NYAP1: variants seen among roughly 807,000 people sequenced by gnomAD.
NYAP1 encodes the protein neuronal tyrosine phosphorylated phosphoinositide-3-kinase adaptor 1, also known as neuronal tyrosine-phosphorylated phosphoinositide-3-kinase adapter 1.
A neutral mutation model predicts 58.6 loss-of-function variants in NYAP1; 20 were observed. That is an observed-to-expected ratio of 0.34 (90% CI 0.24 to 0.50). NYAP1 has a LOEUF of 0.50. Among genes scored for constraint, NYAP1 ranks in the 20% least tolerant of loss-of-function variants. The pLI, the probability that NYAP1 is intolerant of heterozygous loss-of-function variation, is 0.98. For missense variants in NYAP1, 1,150 were observed against 1,194.5 expected (o/e 0.96, Z 0.55); for synonymous variants, 572 against 523.1 (o/e 1.09, Z -1.27).
Position 100,493,933 on chromosome 7 carries a change from A to C in NYAP1, c.*30A>C. The C allele has an allele frequency of 7.1e-7, 1 of 1,408,358 alleles. No individual in the cohort carries two copies. Among genetic ancestry groups the C allele is most frequent in the Non-Finnish European group, 9.2e-7 (1 of 1,085,338 alleles). The allele number at this position is 1,408,358 out of a possible 1,614,324, so 87.2% of individuals were successfully genotyped here. ...GGCGGGGGGGTACCGGGGCGCCTGG[A>C]CTGGGGAGGGGGCGGGCACGCCTGG... On this transcript the variant is annotated 3_prime_UTR_variant, in exon 7 of 7. Coordinates refer to ENST00000300179, the MANE Select transcript of NYAP1 (RefSeq NM_173564.4).
Position 100,487,144 on chromosome 7 carries a change from C to T in NYAP1, c.392C>T (p.Pro131Leu), listed in dbSNP as rs1164461714. 6.5e-7 allele frequency: 1 copy of T among 1,535,280 alleles called. No homozygotes were observed. Among genetic ancestry groups the T allele is most frequent in the South Asian group, 1.2e-5 (1 of 80,116 alleles). Residue 131 changes from proline to leucine, a missense_variant, in exon 3 of 7, where the codon CCT becomes CTT. Physicochemically the swap from Pro to Leu is moderately conservative, Grantham distance 98. Coordinates refer to ENST00000300179, the MANE Select transcript of NYAP1 (RefSeq NM_173564.4). This position sits in a 1 kb window ranked among gnomAD's most constrained non-coding sequence, Gnocchi z 4.1. ...HPSTKLSMVG[P>L]GSGAETPPSK... ...AGCACCAAGCTCAGCATGGTGGGGC[C>T]TGGGTCTGGGGCAGAGACGCCCCCC...
chr7:100,487,236 TTCCAC>T lies in NYAP1; in HGVS notation c.430+55_430+59del, dbSNP rs1799717320. 5.5e-6 allele frequency: 8 copies of T among 1,450,956 alleles called. No homozygotes were observed. The Admixed American group carries it at 1.1e-4, about 19-fold the overall frequency. The allele number at this position is 1,450,956 out of a possible 1,614,324, so 89.9% of individuals were successfully genotyped here. A position where few individuals can be genotyped will look rare whatever the true frequency, so the allele number is the denominator to read the frequency against. Reference sequence around the variant, plus strand: ...TGGAGCTGGGAGCTGGGAGGATCTATTCCACGCCCGGGGAGGCTTGCCGGGAGGGT... The same window carrying T: ...TGGAGCTGGGAGCTGGGAGGATCTATGCCCGGGGAGGCTTGCCGGGAGGGT... On this transcript the variant is annotated intron_variant, in intron 3 of 6. Coordinates refer to ENST00000300179, the MANE Select transcript of NYAP1 (RefSeq NM_173564.4). The surrounding 1 kb of genome is among the most constrained non-coding windows in gnomAD (Gnocchi z 4.1).
In NYAP1 at chr7:100,488,031, G is replaced by A; in HGVS notation, c.431-121G>A. The A allele has an allele frequency of 1.5e-6, 1 of 681,188 alleles. No homozygotes were observed. Among genetic ancestry groups the A allele is most frequent in the Admixed American group, 2.7e-5 (1 of 36,710 alleles). 42.2% of individuals were successfully genotyped at this position (681,188 alleles called of 1,614,324 possible). A position where few individuals can be genotyped will look rare whatever the true frequency, so the allele number is the denominator to read the frequency against. ...CTCCTGGGGCTGTAAGTTGAGGAAT[G>A]TGGGGAAAAGGAAGAGGCAGATATG... On this transcript the variant is annotated intron_variant, in intron 3 of 6. Transcript: ENST00000300179. This position sits in a 1 kb window ranked among gnomAD's most constrained non-coding sequence, Gnocchi z 5.9.
At position 100,490,610 on chromosome 7, in the gene NYAP1, C is replaced by A. The variant is rs1157037171; in HGVS notation, c.2039C>A (p.Pro680Gln). ...AGGGGCCCTGGGACATCGGGGATCCCAGTGAGAAGCCAGGGGGCAGAGGGA... is the reference window on the plus strand; with the variant it reads ...AGGGGCCCTGGGACATCGGGGATCCAAGTGAGAAGCCAGGGGGCAGAGGGA... ...EDRGPGTSGI[P>Q]VRSQGAEGLL... is the part of the protein sequence containing the mutation. The change falls in exon 5 of 7, where the codon CCA (proline) becomes CAA (glutamine). Residue 680 changes from proline to glutamine, a missense_variant. By Grantham distance (76) the Pro-to-Gln change is moderately conservative. Transcript: ENST00000300179. This position sits in a 1 kb window ranked among gnomAD's most constrained non-coding sequence, Gnocchi z 4.6. 1.3e-6 allele frequency: 2 copies of A among 1,576,570 alleles called. No individual in the cohort carries two copies. Among genetic ancestry groups the A allele is most frequent in the East Asian group, 4.6e-5 (2 of 43,332 alleles).
rs940088468 is a variant in NYAP1, at chr7:100,494,391, G to T, written c.*488G>T. ...CTGGGCCTTTCTGACCTACTCCTGAGCTAGGAGTGGAGAATCAGGGCCAAG... is the reference window on the plus strand; with the variant it reads ...CTGGGCCTTTCTGACCTACTCCTGATCTAGGAGTGGAGAATCAGGGCCAAG... On this transcript the variant is annotated 3_prime_UTR_variant, in exon 7 of 7. Coordinates refer to ENST00000300179, the MANE Select transcript of NYAP1 (RefSeq NM_173564.4). The T allele has an allele frequency of 6.5e-6, 1 of 152,808 alleles. No homozygotes were observed. Among genetic ancestry groups the T allele is most frequent in the Middle Eastern group, 3.1e-3 (1 of 318 alleles). 9.5% of individuals were successfully genotyped at this position (152,808 alleles called of 1,614,324 possible).
chr7:100,490,530 T>G lies in NYAP1; in HGVS notation c.1959T>G (p.Gly653=). 6.3e-7 allele frequency: 1 copy of G among 1,584,816 alleles called. No homozygotes were observed. ...TCATCCCAGCAGAGGTCGAGGACGGTGCCCGGGCCTGGAATGGCAGTGCCG... is the reference window on the plus strand; with the variant it reads ...TCATCCCAGCAGAGGTCGAGGACGGGGCCCGGGCCTGGAATGGCAGTGCCG... ...KAKELDKVED[G]ARAWNGSAEG... Residue 653 remains glycine (G), a synonymous_variant, in exon 5 of 7, where the codon GGT becomes GGG. Coordinates refer to ENST00000300179, the MANE Select transcript of NYAP1 (RefSeq NM_173564.4). The surrounding 1 kb of genome is among the most constrained non-coding windows in gnomAD (Gnocchi z 4.6).
At position 100,490,841 on chromosome 7, in the gene NYAP1, C is replaced by G; in HGVS notation, c.2158+112C>G. ...ACCTGTTCACGTCTGTGCCCAGGGC[C>G]CTAAATCCTCATACCACATCTCCAC... On this transcript the variant is annotated intron_variant, in intron 5 of 6. Coordinates refer to ENST00000300179, the MANE Select transcript of NYAP1 (RefSeq NM_173564.4). This position sits in a 1 kb window ranked among gnomAD's most constrained non-coding sequence, Gnocchi z 4.6. The G allele has an allele frequency of 8.8e-7, 1 of 1,140,576 alleles. No homozygotes were observed. The highest frequency in any genetic ancestry group is 1.6e-5 in the African/African-American group (1 of 63,892). 70.7% of individuals were successfully genotyped at this position (1,140,576 alleles called of 1,614,324 possible). A position where few individuals can be genotyped will look rare whatever the true frequency, so the allele number is the denominator to read the frequency against.
Position 100,494,351 on chromosome 7 carries a change from GTCTGGAGGGCGAT to G in NYAP1, c.*454_*466del, listed in dbSNP as rs1799842150. 6.4e-6 allele frequency: 1 copy of G among 156,468 alleles called. No individual in the cohort carries two copies. Among genetic ancestry groups the G allele is most frequent in the Non-Finnish European group, 1.4e-5 (1 of 71,298 alleles). 9.7% of individuals were successfully genotyped at this position (156,468 alleles called of 1,614,324 possible). A position where few individuals can be genotyped will look rare whatever the true frequency, so the allele number is the denominator to read the frequency against. ...GGTATTTATTTTGTTATTTATTTCA[GTCTGGAGGGCGAT>G]TCTGGGCCTTTCTGACCTACTCCTG... On this transcript the variant is annotated 3_prime_UTR_variant, in exon 7 of 7. Coordinates refer to ENST00000300179, the MANE Select transcript of NYAP1 (RefSeq NM_173564.4).
In NYAP1 at chr7:100,494,076, C is replaced by T; in HGVS notation, c.*173C>T. The stretch of plus-strand genomic sequence containing the variant: ...GGGAGAGTCTGCCAGGCCCATTGGG[C>T]TTAGGATGCCAACAGCGCTGCTGAG... On this transcript the variant is annotated 3_prime_UTR_variant, in exon 7 of 7. Transcript: ENST00000300179. The T allele has an allele frequency of 1.7e-6, 1 of 575,838 alleles. No individual in the cohort carries two copies. The highest frequency in any genetic ancestry group is 2.9e-6 in the Non-Finnish European group (1 of 347,342). 35.7% of individuals were successfully genotyped at this position (575,838 alleles called of 1,614,324 possible).
Position 100,494,747 on chromosome 7 carries a change from T to G in NYAP1, c.*844T>G. On this transcript the variant is annotated 3_prime_UTR_variant, in exon 7 of 7. Transcript: ENST00000300179. Reference sequence around the variant, plus strand: ...ACAAAACAGAAGAGATGTCAGGAACTTTTTTTTAATTCCTTTCTTTTCAGA... The same window carrying G: ...ACAAAACAGAAGAGATGTCAGGAACGTTTTTTTAATTCCTTTCTTTTCAGA... 1 of 144,448 alleles carries G rather than the reference T, an allele frequency of 6.9e-6. No individual in the cohort carries two copies. Among genetic ancestry groups the G allele is most frequent in the Non-Finnish European group, 1.5e-5 (1 of 65,070 alleles). The allele number at this position is 144,448 out of a possible 1,614,324, so 8.9% of individuals were successfully genotyped here.
chr7:100,489,593 C>A lies in NYAP1; in HGVS notation c.1872C>A (p.Ala624=), dbSNP rs1426900123. ...AGGAGGAAGAAGAGGAGGTGGGCGC[C>A]GCGACATTTGGGGCAGGCTGGGCCC... ...TPEEEEEEVG[A]ATFGAGWALQ... The change falls in exon 4 of 7, where the codon GCC becomes GCA. Residue 624 remains alanine, a synonymous_variant. Transcript: ENST00000300179. 6.2e-7 allele frequency: 1 copy of A among 1,612,094 alleles called. No homozygotes were observed. The highest frequency in any genetic ancestry group is 1.1e-5 in the South Asian group (1 of 91,022).
rs1799779814 is a variant in NYAP1, at chr7:100,490,435, C to A, written c.1946-82C>A. The A allele has an allele frequency of 1.5e-6, 2 of 1,312,582 alleles. No individual in the cohort carries two copies. The highest frequency in any genetic ancestry group is 2.1e-6 in the Non-Finnish European group (2 of 930,318). The allele number at this position is 1,312,582 out of a possible 1,614,324, so 81.3% of individuals were successfully genotyped here. On this transcript the variant is annotated intron_variant, in intron 4 of 6. Transcript: ENST00000300179. This position sits in a 1 kb window ranked among gnomAD's most constrained non-coding sequence, Gnocchi z 4.6. Reference sequence around the variant, plus strand: ...GGGGCAATTGTGTCTCCTGGTCCACCCATACTGCAGCATGTGTGGCCAGAG... The same window carrying A: ...GGGGCAATTGTGTCTCCTGGTCCACACATACTGCAGCATGTGTGGCCAGAG...
In NYAP1 at chr7:100,485,297, C is replaced by A. The variant is rs1442954095; in HGVS notation, c.-15C>A. 2 of 1,576,780 alleles carry A rather than the reference C, an allele frequency of 1.3e-6. No individual in the cohort carries two copies. Among genetic ancestry groups the A allele is most frequent in the South Asian group, 2.3e-5 (2 of 86,590 alleles). The stretch of plus-strand genomic sequence containing the variant: ...CTGAGCAGGGCCCCCCAGCCCCCAC[C>A]TCCTGCCCCACGAGATGAACCTCCT... On this transcript the variant is annotated 5_prime_UTR_variant, in exon 2 of 7. Coordinates refer to ENST00000300179, the MANE Select transcript of NYAP1 (RefSeq NM_173564.4). The surrounding 1 kb of genome is among the most constrained non-coding windows in gnomAD (Gnocchi z 5.7).
chr7:100,489,794 T>G, intron 4 of NYAP1, 128 bp downstream of exon 4: 9 of 714,322 alleles, frequency 1.3e-5, no homozygotes, highest in East Asian at 3.1e-5. Context: ...GGATGTTTTC[T>G]AGGAGACCAG....
At position 100,489,058 on chromosome 7, in the gene NYAP1, C is replaced by T. The variant is rs1420778500; in HGVS notation, c.1337C>T (p.Ala446Val). The change falls in exon 4 of 7, where the codon GCC becomes GTC. Residue 446 changes from alanine (A) to valine (V), a missense_variant. By Grantham distance (64) the Ala-to-Val change is moderately conservative. Coordinates refer to ENST00000300179, the MANE Select transcript of NYAP1 (RefSeq NM_173564.4). ...GCGCCGGCAGCCCCCCCTGCCCCGG[C>T]CGCCTTGCTCCCCGGCCCCCCCAAG... The part of the protein sequence containing the change: ...AGAPAAPPAP[A>V]ALLPGPPKDK... 3.6e-5 allele frequency: 55 copies of T among 1,542,366 alleles called. No homozygotes were observed. Among genetic ancestry groups the T allele is most frequent in the Middle Eastern group, 1.7e-4 (1 of 5,964 alleles).
Position 100,488,848 on chromosome 7 carries a change from C to T in NYAP1, c.1127C>T (p.Pro376Leu). ...GGCTCCACCCCAGCTCCCCAAGTGC[C>T]TGCACGGGAGCGGGAGACGCCTCCC... ...PAGSTPAPQV[P>L]ARERETPPPP... The change falls in exon 4 of 7, where the codon CCT becomes CTT. Residue 376 changes from proline (P) to leucine (L), a missense_variant. Transcript: ENST00000300179. This position sits in a 1 kb window ranked among gnomAD's most constrained non-coding sequence, Gnocchi z 5.9. The T allele has an allele frequency of 1.9e-6, 3 of 1,597,226 alleles. No individual in the cohort carries two copies. Among genetic ancestry groups the T allele is most frequent in the South Asian group, 1.1e-5 (1 of 89,274 alleles).
rs750777172 is a variant in NYAP1 at position 100,487,197 on chromosome 7, A to G, written c.430+15A>G. ...CAAGAAAGCAGGTGAGATACCCCCT[A>G]TCTCTCCCTGGGGTGGAGCTGGGAG... On this transcript the variant is annotated intron_variant, in intron 3 of 6. Transcript: ENST00000300179. This position sits in a 1 kb window ranked among gnomAD's most constrained non-coding sequence, Gnocchi z 4.1. 17 of 1,479,358 alleles carry G rather than the reference A, an allele frequency of 1.1e-5. No homozygotes were observed. The highest frequency in any genetic ancestry group is 1.8e-4 in the Middle Eastern group (1 of 5,522). 91.6% of individuals were successfully genotyped at this position (1,479,358 alleles called of 1,614,324 possible). A position where few individuals can be genotyped will look rare whatever the true frequency, so the allele number is the denominator to read the frequency against.
chr7:100,492,438 A>G (rs1398650070), intron 6 of NYAP1, among the ~76,000 whole-genome samples: 2 of 152,042 alleles, frequency 1.3e-5, no homozygotes, highest in Non-Finnish European at 2.9e-5. Flanking sequence ...CGATTTAGGA[A>G]AAAGACCTCC....
intron 4 of NYAP1, 131 bp downstream of exon 4, chr7:100,489,797 G>A (rs1326148106): frequency 2.7e-6 from 2 of 752,774 alleles, no homozygotes; most frequent in Non-Finnish European, 4.1e-6. Flanking sequence ...TGTTTTCTAG[G>A]AGACCAGAGA....
Sources: gnomAD v4.1 joint callset for allele counts (sites outside exome capture counted in the v4.1 genomes callset) on GRCh38, gnomAD v4.1.1 for gene constraint, Gnocchi (gnomAD v3.1) non-coding constraint, MANE v1.5 for transcripts, NCBI Gene and HGNC (gene_info 2026-07-23, HGNC 2026-07-21) for gene names.